Variants in PRKN observed in about 807,000 individuals in gnomAD.
PRKN encodes E3 ubiquitin-protein ligase parkin.
In PRKN, 56 loss-of-function variants were observed where a neutral mutation model predicts 59.5. That is an observed-to-expected ratio of 0.94 (90% CI 0.76 to 1.18). The LOEUF (loss-of-function observed/expected upper bound fraction) is 1.18. Ranked by LOEUF, PRKN falls within the 50% of genes most tolerant of loss-of-function variation. The pLI is 0.00. For missense variants in PRKN, 657 were observed against 596.4 expected (o/e 1.10, Z -1.06); for synonymous variants, 250 against 222.1 (o/e 1.13, Z -1.12).
intron 7 of PRKN, among the ~76,000 whole-genome samples, chr6:161,776,004 A>G (rs1420589098): frequency 6.6e-6 from 1 of 152,190 alleles, no homozygotes; most frequent in African/African-American, 2.4e-5. Flanking sequence ...AAAGGCAAAA[A>G]CATAACCGAT....
chr6:162,002,090 C>T lies in PRKN; in HGVS notation c.619-28673G>A, dbSNP rs184748875. 4.8e-4 allele frequency among the ~76,000 whole-genome samples: 73 copies of T among 152,024 alleles called. 1 individual carries two copies. The highest frequency in any genetic ancestry group is 6.8e-3 in the Middle Eastern group (2 of 294). ...TTTATTGAGGAATTTTGCATCTATA[C>T]GCATGCAAGATCTTGGTCTGTAGTT... On this transcript the variant is annotated intron_variant, in intron 5 of 11. Coordinates refer to ENST00000366898, the MANE Select transcript of PRKN (RefSeq NM_004562.3).
At chr6:162,384,510 C>T (rs1449924955) in intron 2 of PRKN, among the ~76,000 whole-genome samples, 1 of 151,920 alleles carries the variant, frequency 6.6e-6, no homozygotes, top group Non-Finnish European at 1.5e-5. Flanking sequence ...CACAGATCAC[C>T]AAAGCAGATA....
intron 4 of PRKN, among the ~76,000 whole-genome samples, chr6:162,124,987 G>A (rs1781064051): frequency 6.6e-6 from 1 of 152,106 alleles, no homozygotes; most frequent in African/African-American, 2.4e-5. Context: ...GGAAGTCAGG[G>A]TCAGTGGTGC....
At chr6:162,180,275 A>C (rs919541717) in intron 4 of PRKN, among the ~76,000 whole-genome samples, 1 of 152,140 alleles carries the variant, frequency 6.6e-6, no homozygotes, top group East Asian at 1.9e-4. Flanking sequence ...TTAATCGTAC[A>C]TTTAAACTTA....
At chr6:162,493,121 TG>T (rs1366024559) in intron 1 of PRKN, among the ~76,000 whole-genome samples, 25 of 152,272 alleles carry the variant, frequency 1.6e-4, no homozygotes, top group African/African-American at 5.8e-4. Context: ...TTACTTCCCT[TG>T]TTCGGCCAGC....
At chr6:162,686,727 C>G (rs1482070326) in intron 1 of PRKN, among the ~76,000 whole-genome samples, 1 of 152,122 alleles carries the variant, frequency 6.6e-6, no homozygotes. Context: ...ACCTGGAAAA[C>G]AGGTATGTGG....
At chr6:162,563,424 C>T (rs995235271) in intron 1 of PRKN, among the ~76,000 whole-genome samples, 21 of 152,188 alleles carry the variant, frequency 1.4e-4, no homozygotes, top group African/African-American at 5.1e-4. Context: ...CAAAGCAGCA[C>T]CTCTATGAGT....
intron 1 of PRKN, among the ~76,000 whole-genome samples, chr6:162,611,850 CA>C (rs1782166347): frequency 2.0e-5 from 3 of 152,148 alleles, no homozygotes; most frequent in South Asian, 4.1e-4. Flanking sequence ...TTAGTTATGA[CA>C]AGAGTGTGAA....
intron 4 of PRKN, among the ~76,000 whole-genome samples, chr6:162,199,764 C>T (rs541561782): frequency 6.6e-6 from 1 of 152,302 alleles, no homozygotes; most frequent in African/African-American, 2.4e-5. Context: ...AAGTGAAACA[C>T]TGAATCACAG....
intron 6 of PRKN, among the ~76,000 whole-genome samples, chr6:161,923,311 T>G (rs543657677): frequency 6.6e-5 from 10 of 152,260 alleles, no homozygotes; most frequent in Admixed American, 5.9e-4. Flanking sequence ...AGTGAAACCC[T>G]GTCTCTACTA....
At chr6:162,519,944 C>T (rs1021484707) in intron 1 of PRKN, among the ~76,000 whole-genome samples, 2 of 152,142 alleles carry the variant, frequency 1.3e-5, no homozygotes, top group Non-Finnish European at 2.9e-5. Flanking sequence ...AATATATTCA[C>T]TCATGTTAAA....
chr6:161,877,082 A>G (rs1360097015), intron 6 of PRKN, among the ~76,000 whole-genome samples: 1 of 152,158 alleles, frequency 6.6e-6, no homozygotes, highest in Non-Finnish European at 1.5e-5. Context: ...TCAATGCCTG[A>G]ATCCTATATG....
chr6:162,388,554 ACT>A (rs1411072474), intron 2 of PRKN, among the ~76,000 whole-genome samples: 1 of 152,166 alleles, frequency 6.6e-6, no homozygotes, highest in Non-Finnish European at 1.5e-5. Flanking sequence ...AAGGTGACTG[ACT>A]CCCAAGCCAA....
At chr6:162,459,539 G>GTATTTTTAA (rs1429981201) in intron 1 of PRKN, among the ~76,000 whole-genome samples, 7 of 151,960 alleles carry the variant, frequency 4.6e-5, no homozygotes, top group African/African-American at 1.7e-4. Context: ...TTTTAACTTC[G>GTATTTTTAA]CAGCAGAGAT....
chr6:162,258,627 T>C (rs1779756144), intron 3 of PRKN, among the ~76,000 whole-genome samples: 2 of 152,162 alleles, frequency 1.3e-5, no homozygotes, highest in Non-Finnish European at 2.9e-5. Flanking sequence ...GGGCCCGCGG[T>C]GTTAGCATCA....
intron 6 of PRKN, among the ~76,000 whole-genome samples, chr6:161,960,797 C>T (rs1780350451): frequency 6.6e-6 from 1 of 152,192 alleles, no homozygotes; most frequent in South Asian, 2.1e-4. Flanking sequence ...GCAATACCAA[C>T]TCCTCACCTA....
intron 6 of PRKN, among the ~76,000 whole-genome samples, chr6:161,921,670 T>C (rs1778790663): frequency 6.6e-6 from 1 of 152,164 alleles, no homozygotes; most frequent in Non-Finnish European, 1.5e-5. Context: ...GAAGTGTCAT[T>C]GTCATTATAC....
chr6:162,014,397 C>T (rs1385964376), intron 5 of PRKN, among the ~76,000 whole-genome samples: 3 of 152,174 alleles, frequency 2.0e-5, no homozygotes, highest in Non-Finnish European at 2.9e-5. Flanking sequence ...GCAAGGCCCT[C>T]TTCAGGCGCC....
At chr6:162,503,448 G>T (rs1315289852) in intron 1 of PRKN, among the ~76,000 whole-genome samples, 1 of 152,108 alleles carries the variant, frequency 6.6e-6, no homozygotes, top group East Asian at 1.9e-4. Flanking sequence ...ACAGGCATGA[G>T]CCACCGTGCC....
Sources: allele counts gnomAD v4.1 joint callset (sites outside exome capture counted in the v4.1 genomes callset), GRCh38; gene constraint gnomAD v4.1.1; transcripts MANE v1.5; gene names NCBI Gene and HGNC (gene_info 2026-07-23, HGNC 2026-07-21).